ME3: variants seen among roughly 807,000 people sequenced by gnomAD.
The protein encoded by ME3 is malic enzyme 3.
In ME3, 48 loss-of-function variants were observed where a neutral mutation model predicts 68.9. The observed-to-expected ratio is 0.70, with a 90% CI of 0.55 to 0.89. ME3 has a LOEUF of 0.89. Ranked by LOEUF, ME3 falls within the 40% of genes least tolerant of loss-of-function variation. ME3 has a pLI of 0.00. For missense variants in ME3, 675 were observed against 797.4 expected (o/e 0.85, Z 1.85); for synonymous variants, 320 against 318.8 (o/e 1.00, Z -0.04).
At chr11:86,542,361 G>A (rs926419080) in intron 4 of ME3, among the ~76,000 whole-genome samples, 3 of 152,160 alleles carry the variant, frequency 2.0e-5, no homozygotes, top group African/African-American at 7.2e-5. Context: ...ACTCCTCTGA[G>A]CTAAAGAAGC....
rs553567906 is a variant in ME3 at position 86,579,351 on chromosome 11, G to T, written c.184-19528C>A. ...GAGGCAGTGGGCCACAGAGAAGGGA[G>T]ATCAGGCCTTGGAGTTGGTGTTCCT... On this transcript the variant is annotated intron_variant, in intron 2 of 14. Transcript: ENST00000543262. Among the ~76,000 whole-genome samples the T allele has an allele frequency of 1.8e-4, 28 of 152,286 alleles. No homozygotes were observed. The East Asian group carries it at 2.9e-3, about 16-fold the overall frequency.
chr11:86,502,100 C>T (rs1373807035), intron 5 of ME3, among the ~76,000 whole-genome samples: 1 of 152,252 alleles, frequency 6.6e-6, no homozygotes, highest in Non-Finnish European at 1.5e-5. Context: ...TTTCCATGCT[C>T]CATCCAAACT....
At chr11:86,568,700 A>G (rs1350498193) in intron 2 of ME3, among the ~76,000 whole-genome samples, 4 of 152,220 alleles carry the variant, frequency 2.6e-5, no homozygotes, top group African/African-American at 7.2e-5. Flanking sequence ...CCCAGTGCCC[A>G]TTCCTTATGT....
intron 2 of ME3, among the ~76,000 whole-genome samples, chr11:86,617,057 T>TTTG (rs1943020633): frequency 7.3e-6 from 1 of 136,056 alleles, no homozygotes; most frequent in Non-Finnish European, 1.6e-5. Context: ...TTTTTTTTTT[T>TTTG]TTTTTTTTTT....
rs1951179201 is a variant in ME3, at chr11:86,477,978, G to C, written c.809+9359C>G. Among the ~76,000 whole-genome samples the C allele has an allele frequency of 2.0e-5, 3 of 152,230 alleles. 1 individual carries two copies. The South Asian group carries it at 6.2e-4, about 32-fold the overall frequency. ...CATATCAGGCTGAAACTGGGAAACT[G>C]TTCTGCTCCTTCAGAGTCAAGACAA... On this transcript the variant is annotated intron_variant, in intron 7 of 14. Coordinates refer to ENST00000543262, the Ensembl canonical transcript of ME3.
chr11:86,543,487 A>C (rs985798633), intron 4 of ME3, among the ~76,000 whole-genome samples: 7 of 152,224 alleles, frequency 4.6e-5, no homozygotes, highest in African/African-American at 1.2e-4. Flanking sequence ...AAAGCAAAAA[A>C]AGCAGGGGTT....
chr11:86,582,233 T>C (rs146587650), intron 2 of ME3, among the ~76,000 whole-genome samples: 5 of 152,366 alleles, frequency 3.3e-5, no homozygotes, highest in African/African-American at 4.8e-5. Flanking sequence ...ATGTGGTAGT[T>C]CCTCTGTTGG....
intron 5 of ME3, among the ~76,000 whole-genome samples, chr11:86,502,959 A>G (rs559052309): frequency 3.7e-4 from 56 of 152,224 alleles, no homozygotes; most frequent in African/African-American, 1.3e-3. Flanking sequence ...TCATAGCTAC[A>G]AGGGTTGCCC....
intron 4 of ME3, among the ~76,000 whole-genome samples, chr11:86,536,430 A>T (rs1955665493): frequency 7.7e-6 from 1 of 130,040 alleles, no homozygotes; most frequent in African/African-American, 3.0e-5. Flanking sequence ...AACTCAAACA[A>T]ATTTACAAGA....
At chr11:86,478,729 A>G (rs144229319) in intron 7 of ME3, among the ~76,000 whole-genome samples, 1 of 152,372 alleles carries the variant, frequency 6.6e-6, no homozygotes, top group African/African-American at 2.4e-5. Context: ...AGGCAATGAA[A>G]AACAATAAAG....
At chr11:86,533,648 A>G (rs1374832617) in intron 4 of ME3, among the ~76,000 whole-genome samples, 3 of 152,236 alleles carry the variant, frequency 2.0e-5, no homozygotes, top group East Asian at 1.9e-4. Flanking sequence ...CAAGGCCAGC[A>G]TTACTTTGAT....
At chr11:86,559,554 T>C (rs113025731) in intron 3 of ME3, 136 bp downstream of exon 3, 2 of 1,056,940 alleles carry the variant, frequency 1.9e-6, no homozygotes, top group Admixed American at 4.8e-5. Context: ...CTTTAGAAGG[T>C]AGGGCTGAGT....
chr11:86,465,124 T>C (rs1275060285), exon 8 of ME3: 1 of 1,613,746 alleles, frequency 6.2e-7, no homozygotes, highest in Admixed American at 1.7e-5. Context: ...CAGTACTTGT[T>C]ACGGTATTTG....
At chr11:86,650,626 G>A (rs1343511061) in intron 2 of ME3, among the ~76,000 whole-genome samples, 3 of 152,138 alleles carry the variant, frequency 2.0e-5, no homozygotes, top group Non-Finnish European at 4.4e-5. Flanking sequence ...AAGTCAAGAT[G>A]GCCAAATAGG....
At chr11:86,511,223 C>A (rs1343589489) in intron 4 of ME3, among the ~76,000 whole-genome samples, 1 of 152,202 alleles carries the variant, frequency 6.6e-6, no homozygotes, top group Non-Finnish European at 1.5e-5. Flanking sequence ...TTCTTGAAAT[C>A]AATGACTCAT....
intron 2 of ME3, among the ~76,000 whole-genome samples, chr11:86,650,870 C>T (rs1300002172): frequency 1.1e-4 from 17 of 152,168 alleles, no homozygotes; most frequent in African/African-American, 4.1e-4. Context: ...ACAGAGGGCA[C>T]CAGGAAAATC....
chr11:86,456,473 T>A (rs1228049842), intron 8 of ME3, among the ~76,000 whole-genome samples: 1 of 152,100 alleles, frequency 6.6e-6, no homozygotes, highest in Non-Finnish European at 1.5e-5. Flanking sequence ...ATGAGGAAAT[T>A]GACAGAGAAA....
intron 2 of ME3, among the ~76,000 whole-genome samples, chr11:86,617,047 T>G (rs1298001544): frequency 2.7e-5 from 1 of 37,140 alleles, no homozygotes; most frequent in South Asian, 7.0e-4. Context: ...AGATAGTAGT[T>G]TTTTTTTTTT....
At chr11:86,540,922 T>A (rs1193522109) in intron 4 of ME3, among the ~76,000 whole-genome samples, 1 of 152,192 alleles carries the variant, frequency 6.6e-6, no homozygotes, top group Admixed American at 6.5e-5. Flanking sequence ...GATTTCTGCA[T>A]TTCCAACTGA....
Sources: allele counts gnomAD v4.1 joint callset (sites outside exome capture counted in the v4.1 genomes callset), GRCh38; gene constraint gnomAD v4.1.1; transcripts MANE v1.5; gene names NCBI Gene and HGNC (gene_info 2026-07-23, HGNC 2026-07-21).